TET3: variants seen among roughly 807,000 people sequenced by gnomAD.
TET3 encodes methylcytosine dioxygenase TET3.
A neutral mutation model predicts 141.4 loss-of-function variants in TET3; 19 were observed. That is an observed-to-expected ratio of 0.13 (90% confidence interval 0.09 to 0.20). The LOEUF (loss-of-function observed/expected upper bound fraction) is 0.20, where lower values mean the gene tolerates loss of function less well. Among genes scored for constraint, TET3 ranks in the 10% least tolerant of loss-of-function variants. TET3 has a pLI of 1.00. For missense variants in TET3, 1,874 were observed against 2,356.9 expected, an observed-to-expected ratio of 0.80 and a Z score of 4.24; for synonymous variants, 1,043 against 980.9, an observed-to-expected ratio of 1.06 and a Z score of -1.18.
In TET3 at chr2:74,101,673, G is replaced by A; in HGVS notation, c.4885G>A (p.Gly1629Ser). The A allele has an allele frequency of 6.2e-7, 1 of 1,613,704 alleles. No homozygotes were observed. Among genetic ancestry groups the A allele is most frequent in the Non-Finnish European group, 8.5e-7 (1 of 1,179,860 alleles). The change falls in exon 12 of 12, where the codon GGT becomes AGT. Residue 1629 changes from glycine (G) to serine (S), a missense_variant. By Grantham distance (56) the Gly-to-Ser change is moderately conservative. Coordinates refer to ENST00000409262, the MANE Select transcript of TET3 (RefSeq NM_001287491.2). This position sits in a 1 kb window ranked among gnomAD's most constrained non-coding sequence, Gnocchi z 8.5. ...AGCGGTGAAGGAGGAGAAGGGCGGT[G>A]GTGGTGCGGAGGAGGAAGAGGAGGA... ...KGAVKEEKGG[G>S]GAEEEEEELW...
At chr2:74,023,915 A>G (rs1427590156) in intron 3 of TET3, among the ~76,000 whole-genome samples, 1 of 152,040 alleles carries the variant, frequency 6.6e-6, no homozygotes, top group Non-Finnish European at 1.5e-5. Context: ...ATACCACTAC[A>G]TTTTGTTTTC....
At position 74,093,694 on chromosome 2, in the gene TET3, CCTGTG is replaced by C. The variant is rs756325880; in HGVS notation, c.3267+29_3267+33del. On this transcript the variant is annotated intron_variant, in intron 10 of 11. Coordinates refer to ENST00000409262, the MANE Select transcript of TET3 (RefSeq NM_001287491.2). This position sits in a 1 kb window ranked among gnomAD's most constrained non-coding sequence, Gnocchi z 4.2. ...AAGCCTGTGCCCTGTCATAGCCCCA[CCTGTG>C]GGGCAACTGTGGGAGGGAGTCCACC... 1 of 1,541,798 alleles carries C rather than the reference CCTGTG, an allele frequency of 6.5e-7. No individual in the cohort carries two copies.
the TET3 span, among the ~76,000 whole-genome samples, chr2:74,128,992 T>TAAA: frequency 0.02 from 1,578 of 77,670 alleles, 75 homozygotes; most frequent in African/African-American, 0.052. Context: ...TGTCTCAATT[T>TAAA]AAAAAAAAAA....
intron 4 of TET3, among the ~76,000 whole-genome samples, chr2:74,066,945 A>G (rs1265920412): frequency 2.0e-5 from 3 of 152,074 alleles, no homozygotes; most frequent in African/African-American, 4.8e-5. Flanking sequence ...GTTACTTTGA[A>G]TTTTCTCCAG....
At chr2:74,011,112 C>T (rs1047141950) in intron 3 of TET3, among the ~76,000 whole-genome samples, 4 of 150,784 alleles carry the variant, frequency 2.7e-5, no homozygotes, top group South Asian at 2.1e-4. Flanking sequence ...CCCATAATCC[C>T]AGCTACTAAG....
At chr2:74,029,898 T>A (rs1686580026) in intron 3 of TET3, among the ~76,000 whole-genome samples, 1 of 152,258 alleles carries the variant, frequency 6.6e-6, no homozygotes, top group African/African-American at 2.4e-5. Context: ...ATATCAGTTT[T>A]CATTGCTTTC....
chr2:74,018,632 T>G (rs1245746505), intron 3 of TET3, among the ~76,000 whole-genome samples: 1 of 152,192 alleles, frequency 6.6e-6, no homozygotes, highest in African/African-American at 2.4e-5. Context: ...CAGTCATGGG[T>G]GTTTTAAGGC....
At chr2:74,021,000 G>T (rs570220028) in intron 3 of TET3, among the ~76,000 whole-genome samples, 2 of 152,250 alleles carry the variant, frequency 1.3e-5, no homozygotes, top group South Asian at 4.1e-4. Flanking sequence ...TGCTTCTCTG[G>T]CTCCTCTGCT....
chr2:74,098,675 A>C (rs182986318), intron 10 of TET3, among the ~76,000 whole-genome samples: 149 of 151,542 alleles, frequency 9.8e-4, no homozygotes, highest in African/African-American at 3.5e-3. Context: ...GCTCACTGCA[A>C]CCTCCATCTC....
At chr2:74,074,531 G>A (rs1019227406) in intron 5 of TET3, among the ~76,000 whole-genome samples, 4 of 152,228 alleles carry the variant, frequency 2.6e-5, no homozygotes, top group African/African-American at 9.6e-5. Flanking sequence ...TCCACGGCAG[G>A]TAGTAAACAC....
At chr2:74,089,460 A>G (rs1255777657) in intron 7 of TET3, among the ~76,000 whole-genome samples, 2 of 152,194 alleles carry the variant, frequency 1.3e-5, no homozygotes, top group Non-Finnish European at 2.9e-5. Flanking sequence ...TCATCTCAGT[A>G]TACTTTGTTG....
At chr2:74,063,223 T>C (rs1416462128) in intron 4 of TET3, among the ~76,000 whole-genome samples, 1 of 151,642 alleles carries the variant, frequency 6.6e-6, no homozygotes, top group Non-Finnish European at 1.5e-5. Flanking sequence ...GCCAGGCTTC[T>C]CATGTAAGAT....
chr2:74,113,038 C>T (rs1443334690), downstream of TET3, among the ~76,000 whole-genome samples: 1 of 137,576 alleles, frequency 7.3e-6, no homozygotes, highest in Admixed American at 7.5e-5. Flanking sequence ...AAAAAAAACC[C>T]ACAGTTAACA....
intron 3 of TET3, among the ~76,000 whole-genome samples, chr2:74,043,395 C>G (rs1363981688): frequency 6.6e-6 from 1 of 152,136 alleles, no homozygotes; most frequent in African/African-American, 2.4e-5. Context: ...GCAGGAAGCA[C>G]AGGAGTCATT....
chr2:73,984,641 G>A (rs1355640008), upstream of TET3, among the ~76,000 whole-genome samples: 1 of 151,910 alleles, frequency 6.6e-6, no homozygotes, highest in Admixed American at 6.5e-5. The surrounding 1 kb of genome is among the most constrained non-coding windows in gnomAD (Gnocchi z 5.6). Flanking sequence ...GGCGAGGGTG[G>A]CCAACCCGAA....
intron 10 of TET3, 95 bp from the exon 11 acceptor site, chr2:74,099,181 A>T: frequency 8.9e-7 from 1 of 1,128,914 alleles, no homozygotes; most frequent in Non-Finnish European, 1.3e-6. Context: ...TTGTGTGGGG[A>T]AAGATGAGGT....
At chr2:74,017,238 A>C (rs1046253596) in intron 3 of TET3, among the ~76,000 whole-genome samples, 1 of 152,128 alleles carries the variant, frequency 6.6e-6, no homozygotes, top group African/African-American at 2.4e-5. Flanking sequence ...GTAGTGAGCT[A>C]TTTTCACACC....
At chr2:74,122,753 T>C in the TET3 span, among the ~76,000 whole-genome samples, 1 of 148,120 alleles carries the variant, frequency 6.8e-6, no homozygotes, top group African/African-American at 2.5e-5. Flanking sequence ...GGAGATGGGG[T>C]TTCACCTTGT....
intron 4 of TET3, among the ~76,000 whole-genome samples, chr2:74,068,274 CAT>C (rs56793410): frequency 0.035 from 5,319 of 152,128 alleles, 312 homozygotes; most frequent in African/African-American, 0.12. Context: ...TTCGTAATGA[CAT>C]ATGTATATAC....
Sources: gnomAD v4.1 joint callset for allele counts (sites outside exome capture counted in the v4.1 genomes callset) on GRCh38, gnomAD v4.1.1 for gene constraint, Gnocchi (gnomAD v3.1) non-coding constraint, MANE v1.5 for transcripts, NCBI Gene and HGNC (gene_info 2026-07-23, HGNC 2026-07-21) for gene names.